Variants in CPQ observed in about 807,000 individuals in gnomAD.
CPQ encodes carboxypeptidase Q, also known as Ser-Met dipeptidase.
Under a neutral mutation model 45.7 loss-of-function variants are expected in CPQ, and 37 were observed. That is an observed-to-expected ratio of 0.81 (90% CI 0.62 to 1.07). The LOEUF (loss-of-function observed/expected upper bound fraction) is 1.07. Among genes scored for constraint, CPQ ranks in the 50% least tolerant of loss-of-function variants. The pLI, the probability that CPQ is intolerant of heterozygous loss-of-function variation, is 0.00. For missense variants in CPQ, 537 were observed against 572.9 expected, an observed-to-expected ratio of 0.94 and a Z score of 0.64; for synonymous variants, 186 against 205.8, an observed-to-expected ratio of 0.90 and a Z score of 0.82.
chr8:96,861,507 G>C (rs73277800), intron 3 of CPQ, among the ~76,000 whole-genome samples: 1 of 152,054 alleles, frequency 6.6e-6, no homozygotes, highest in Non-Finnish European at 1.5e-5. Context: ...AGACGTTTAA[G>C]TACATGACGA....
intron 5 of CPQ, among the ~76,000 whole-genome samples, chr8:96,974,703 C>T (rs755254348): frequency 6.6e-6 from 1 of 152,004 alleles, no homozygotes. Context: ...AAATCAACTC[C>T]AAGAGGAACC....
intron 2 of CPQ, among the ~76,000 whole-genome samples, chr8:96,788,343 A>G (rs761275990): frequency 1.2e-4 from 18 of 151,966 alleles, no homozygotes; most frequent in Non-Finnish European, 1.6e-4. Context: ...TATTTTTAGT[A>G]GAGATGCAGT....
intron 1 of CPQ, among the ~76,000 whole-genome samples, chr8:96,753,472 C>T (rs1362872711): frequency 1.3e-5 from 2 of 152,060 alleles, no homozygotes; most frequent in African/African-American, 4.8e-5. Context: ...ATGTAGTCTA[C>T]CTCTCCGGGA....
chr8:96,653,089 C>G (rs1815597090), intron 1 of CPQ, among the ~76,000 whole-genome samples: 1 of 152,138 alleles, frequency 6.6e-6, no homozygotes, highest in Non-Finnish European at 1.5e-5. Context: ...GCCACTGGGC[C>G]TGGCTAATTT....
chr8:96,986,961 G>T (rs1209710397), intron 5 of CPQ, among the ~76,000 whole-genome samples: 1 of 152,128 alleles, frequency 6.6e-6, no homozygotes, highest in African/African-American at 2.4e-5. Flanking sequence ...ATGGGGAGTG[G>T]TGTTGATCAT....
At position 96,764,415 on chromosome 8, in the gene CPQ, G is replaced by C. The variant is rs200777644; in HGVS notation, c.-34-20449G>C. Among the ~76,000 whole-genome samples, 5 of 152,288 alleles carry C rather than the reference G, an allele frequency of 3.3e-5. No homozygotes were observed. The East Asian group carries it at 9.6e-4, about 29-fold the overall frequency. ...AAGGAGCCTGAAGAACCTTCTGGGA[G>C]TGTTCCTTATAATACGTTCATTATC... On this transcript the variant is annotated intron_variant, in intron 1 of 7. Coordinates refer to ENST00000220763, the MANE Select transcript of CPQ (RefSeq NM_016134.4).
chr8:96,773,626 G>A (rs991405821), intron 1 of CPQ, among the ~76,000 whole-genome samples: 1 of 152,178 alleles, frequency 6.6e-6, no homozygotes, highest in African/African-American at 2.4e-5. Flanking sequence ...GACTAGAAAA[G>A]TATTAGTTTG....
At chr8:96,838,255 A>G (rs1811556633) in intron 3 of CPQ, among the ~76,000 whole-genome samples, 1 of 152,176 alleles carries the variant, frequency 6.6e-6, no homozygotes, top group South Asian at 2.1e-4. Context: ...TTCAAATCTC[A>G]GTCACTTCAC....
At chr8:96,867,858 T>TC (rs756518362) in intron 3 of CPQ, among the ~76,000 whole-genome samples, 7 of 152,046 alleles carry the variant, frequency 4.6e-5, no homozygotes, top group Non-Finnish European at 8.8e-5. Flanking sequence ...CCAGTTTCAG[T>TC]ATTCATGTTG....
chr8:96,897,299 C>T (rs1235788408), intron 4 of CPQ, among the ~76,000 whole-genome samples: 1 of 152,112 alleles, frequency 6.6e-6, no homozygotes, highest in Non-Finnish European at 1.5e-5. Flanking sequence ...GAAAAGTAGA[C>T]CACAAACTCA....
chr8:96,934,922 A>G (rs965087557), intron 4 of CPQ, among the ~76,000 whole-genome samples: 3 of 152,182 alleles, frequency 2.0e-5, no homozygotes, highest in African/African-American at 4.8e-5. Flanking sequence ...TTCTTCCACT[A>G]TGCAGCCTAC....
At chr8:97,083,329 C>T (rs560413729) in intron 7 of CPQ, among the ~76,000 whole-genome samples, 3 of 152,076 alleles carry the variant, frequency 2.0e-5, no homozygotes, top group Admixed American at 6.6e-5. Context: ...GGCATGTACT[C>T]GACTATCCTA....
chr8:96,815,580 A>G (rs1811217248), intron 2 of CPQ, among the ~76,000 whole-genome samples: 1 of 152,148 alleles, frequency 6.6e-6, no homozygotes, highest in Non-Finnish European at 1.5e-5. Flanking sequence ...CTCTGATCCC[A>G]GAAGCTCTCA....
intron 6 of CPQ, among the ~76,000 whole-genome samples, chr8:97,033,788 G>A (rs1809950347): frequency 1.3e-5 from 2 of 151,986 alleles, no homozygotes; most frequent in African/African-American, 4.8e-5. Context: ...CTTTTCAACA[G>A]CGAAAGTTCT....
chr8:96,784,458 G>A (rs1810732439), intron 1 of CPQ, among the ~76,000 whole-genome samples: 1 of 151,966 alleles, frequency 6.6e-6, no homozygotes, highest in Non-Finnish European at 1.5e-5. Flanking sequence ...CCTCAATGGA[G>A]GAGTCTGACA....
At chr8:96,718,457 T>C (rs1388960841) in intron 1 of CPQ, among the ~76,000 whole-genome samples, 1 of 152,094 alleles carries the variant, frequency 6.6e-6, no homozygotes, top group East Asian at 1.9e-4. Flanking sequence ...CTGGAGTTGT[T>C]CGTTCCCCCC....
chr8:96,901,837 G>A (rs1488721496), intron 4 of CPQ, among the ~76,000 whole-genome samples: 1 of 152,168 alleles, frequency 6.6e-6, no homozygotes, highest in Non-Finnish European at 1.5e-5. Flanking sequence ...CTTTCTTCAA[G>A]AGATCTGAGC....
intron 1 of CPQ, among the ~76,000 whole-genome samples, chr8:96,720,326 T>A (rs58580112): frequency 0.27 from 41,145 of 151,858 alleles, 5,940 homozygotes; most frequent in East Asian, 0.6. Context: ...GATCTAGTCA[T>A]TTTTTTATTG....
intron 4 of CPQ, among the ~76,000 whole-genome samples, chr8:96,904,638 C>T (rs771074633): frequency 5.9e-5 from 9 of 151,988 alleles, no homozygotes; most frequent in Non-Finnish European, 7.4e-5. Context: ...TAAAAAGGGC[C>T]CATCTCAGAG....
Sources: allele counts gnomAD v4.1 joint callset (sites outside exome capture counted in the v4.1 genomes callset), GRCh38; gene constraint gnomAD v4.1.1; transcripts MANE v1.5; gene names NCBI Gene and HGNC (gene_info 2026-07-23, HGNC 2026-07-21).